The following BCL2L1 variants were observed in gnomAD, a reference collection of about 807,000 sequenced individuals.
BCL2L1 encodes the protein bcl-2-like protein 1.
In BCL2L1, 1 loss-of-function variant was observed where a neutral mutation model predicts 18.7. The ratio of observed to expected loss-of-function variants is 0.05; its 90% CI spans 0.02 to 0.25. The LOEUF (loss-of-function observed/expected upper bound fraction) is 0.25, where lower values mean the gene tolerates loss of function less well. Among genes scored for constraint, BCL2L1 ranks in the 10% least tolerant of loss-of-function variants. The pLI is 1.00. For synonymous variants in BCL2L1, 103 were observed against 122.7 expected, an observed-to-expected ratio of 0.84 and a Z score of 1.06; for missense variants, 207 against 304.9, an observed-to-expected ratio of 0.68 and a Z score of 2.39.
At position 31,721,985 on chromosome 20, in the gene BCL2L1, C is replaced by T. The variant is rs2122877055; in HGVS notation, c.234G>A (p.Arg78=). ...ATGHSSSLDA[R]EVIPMAAVKQ... ...TTACTGCTGCCATGGGGATCACCTC[C>T]CGGGCATCCAAACTGCTGCTGTGGC... Residue 78 remains arginine (R), a synonymous_variant, in exon 2 of 3, where the codon CGG becomes CGA. Transcript: ENST00000307677. 1 of 1,614,160 alleles carries T rather than the reference C, an allele frequency of 6.2e-7. No individual in the cohort carries two copies. Among genetic ancestry groups the T allele is most frequent in the Non-Finnish European group, 8.5e-7 (1 of 1,180,010 alleles).
At chr20:31,684,302 G>C (rs1293711066) in intron 2 of BCL2L1, among the ~76,000 whole-genome samples, 2 of 152,222 alleles carry the variant, frequency 1.3e-5, no homozygotes, top group Non-Finnish European at 2.9e-5. Context: ...GGCCAAAGAG[G>C]CATGAGTGTG....
chr20:31,710,469 G>A (rs1017041428), intron 2 of BCL2L1, among the ~76,000 whole-genome samples: 3 of 152,230 alleles, frequency 2.0e-5, no homozygotes, highest in African/African-American at 7.2e-5. Flanking sequence ...CTACGGTGCT[G>A]AGAAAGCTAT....
intron 2 of BCL2L1, among the ~76,000 whole-genome samples, chr20:31,671,680 A>G (rs1045611301): frequency 2.6e-5 from 4 of 152,056 alleles, no homozygotes; most frequent in Admixed American, 1.3e-4. Flanking sequence ...TCCATTCTCA[A>G]TGGTGGTAAG....
At chr20:31,694,189 C>T (rs921519964) in intron 2 of BCL2L1, among the ~76,000 whole-genome samples, 4 of 152,038 alleles carry the variant, frequency 2.6e-5, no homozygotes, top group African/African-American at 9.7e-5. Flanking sequence ...CACCTGTAGC[C>T]CTTGGTGACC....
chr20:31,717,145 T>C (rs932983233), intron 2 of BCL2L1, among the ~76,000 whole-genome samples: 2 of 152,214 alleles, frequency 1.3e-5, no homozygotes, highest in Middle Eastern at 3.2e-3. Context: ...ATTACCCCTA[T>C]GTCTATCCAC....
At chr20:31,720,267 C>T in intron 2 of BCL2L1, 1 of 643,170 alleles carries the variant, frequency 1.6e-6, no homozygotes, top group Non-Finnish European at 1.9e-6. Context: ...GTCTCTTGCT[C>T]AGTGGTAAAG....
At chr20:31,687,111 A>G (rs887386022) in intron 2 of BCL2L1, among the ~76,000 whole-genome samples, 1 of 152,096 alleles carries the variant, frequency 6.6e-6, no homozygotes, top group African/African-American at 2.4e-5. Context: ...TGAAGTCAGG[A>G]GTTTGAGACC....
rs2122532474 is a variant in BCL2L1 at position 31,680,630 on chromosome 20, A to G, written c.565-14544T>C. ...CAGGCTGACCTATGGAGTTGTAGGA[A>G]GGCCCAGACAGGCTGCCTTCCCTAG... On this transcript the variant is annotated intron_variant, in intron 2 of 2. Transcript: ENST00000307677. Among the ~76,000 whole-genome samples the G allele has an allele frequency of 1.3e-5, 2 of 152,360 alleles. 1 individual carries two copies. Among genetic ancestry groups the G allele is most frequent in the South Asian group, 4.1e-4 (2 of 4,832 alleles).
upstream of BCL2L1, chr20:31,723,515 C>G (rs1036221731): frequency 3.0e-6 from 3 of 985,076 alleles, no homozygotes; most frequent in Non-Finnish European, 3.6e-6. Flanking sequence ...AGCGGCTTCT[C>G]GAGCTCACTA....
chr20:31,691,814 C>T (rs1167869820), intron 2 of BCL2L1, among the ~76,000 whole-genome samples: 1 of 152,198 alleles, frequency 6.6e-6, no homozygotes, highest in African/African-American at 2.4e-5. Context: ...CACAGCCCCA[C>T]TTGTAATCTG....
intron 2 of BCL2L1, chr20:31,720,123 CT>C (rs1245446517): frequency 2.0e-6 from 2 of 984,468 alleles, no homozygotes; most frequent in African/African-American, 3.5e-5. Flanking sequence ...TTTACCTCCC[CT>C]GACCCCACCC....
At chr20:31,710,585 T>G (rs551498386) in intron 2 of BCL2L1, among the ~76,000 whole-genome samples, 1 of 152,228 alleles carries the variant, frequency 6.6e-6, no homozygotes, top group South Asian at 2.1e-4. Flanking sequence ...AGGGTGCAGG[T>G]TGATGATACA....
chr20:31,685,352 A>G (rs1241348112), intron 2 of BCL2L1, among the ~76,000 whole-genome samples: 1 of 151,568 alleles, frequency 6.6e-6, no homozygotes, highest in East Asian at 1.9e-4. Context: ...GTGAGCTGAG[A>G]TCGTGCCACT....
chr20:31,710,699 GC>G (rs934995529), intron 2 of BCL2L1, among the ~76,000 whole-genome samples: 4 of 152,214 alleles, frequency 2.6e-5, no homozygotes, highest in Non-Finnish European at 4.4e-5. Context: ...AGTCAGGTGG[GC>G]TCAACTTCTT....
At chr20:31,694,209 T>A (rs887308628) in intron 2 of BCL2L1, among the ~76,000 whole-genome samples, 3 of 151,984 alleles carry the variant, frequency 2.0e-5, no homozygotes, top group African/African-American at 4.8e-5. Context: ...CTGATACATG[T>A]GAGAGGCTGG....
At chr20:31,696,333 C>T (rs1043959956) in intron 2 of BCL2L1, among the ~76,000 whole-genome samples, 2 of 152,166 alleles carry the variant, frequency 1.3e-5, no homozygotes, top group Admixed American at 6.5e-5. Flanking sequence ...CCTTTGGTAC[C>T]CCATGGCAGC....
intron 2 of BCL2L1, among the ~76,000 whole-genome samples, chr20:31,718,229 C>T (rs1351181557): frequency 6.6e-6 from 1 of 152,164 alleles, no homozygotes; most frequent in Non-Finnish European, 1.5e-5. Context: ...AGTAATCTGG[C>T]TAAGGGTCTA....
intron 2 of BCL2L1, among the ~76,000 whole-genome samples, chr20:31,684,768 C>T (rs531450389): frequency 3.3e-5 from 5 of 152,324 alleles, no homozygotes; most frequent in East Asian, 1.9e-4. Flanking sequence ...TTAGTGAACA[C>T]GGCTACAGGT....
chr20:31,712,581 T>C (rs2061470693), intron 2 of BCL2L1, among the ~76,000 whole-genome samples: 1 of 152,132 alleles, frequency 6.6e-6, no homozygotes, highest in South Asian at 2.1e-4. Flanking sequence ...TACAGAGAAG[T>C]CTCAGCAGCT....
Sources: allele counts gnomAD v4.1 joint callset (sites outside exome capture counted in the v4.1 genomes callset), GRCh38; gene constraint gnomAD v4.1.1; transcripts MANE v1.5; gene names NCBI Gene and HGNC (gene_info 2026-07-23, HGNC 2026-07-21).